DEPDC1B: variants seen among roughly 807,000 people sequenced by gnomAD.
DEPDC1B encodes DEP domain-containing protein 1B.
A neutral mutation model predicts 66.5 loss-of-function variants in DEPDC1B; 51 were observed. That is an observed-to-expected ratio of 0.77 (90% CI 0.61 to 0.97). The LOEUF is 0.97. DEPDC1B is among the 50% of genes least tolerant of loss of function. The pLI, the probability that DEPDC1B is intolerant of heterozygous loss-of-function variation, is 0.00. For synonymous variants in DEPDC1B, 226 were observed against 223.6 expected (o/e 1.01, Z -0.10); for missense variants, 552 against 637.1 (o/e 0.87, Z 1.44).
intron 2 of DEPDC1B, among the ~76,000 whole-genome samples, chr5:60,662,163 T>TGGATCACGAGGTCAGGA (rs1561381006): frequency 6.7e-6 from 1 of 150,058 alleles, no homozygotes; most frequent in Non-Finnish European, 1.5e-5. Context: ...CTGAGGCAGG[T>TGGATCACGAGGTCAGGA]GGATCACGAG....
At chr5:60,695,175 C>T (rs185437131) in intron 1 of DEPDC1B, among the ~76,000 whole-genome samples, 17 of 152,052 alleles carry the variant, frequency 1.1e-4, no homozygotes, top group African/African-American at 4.1e-4. Context: ...TCCATTCTTG[C>T]GTTGCTGTAA....
At chr5:60,676,719 G>T (rs749529004) in intron 2 of DEPDC1B, among the ~76,000 whole-genome samples, 1 of 152,030 alleles carries the variant, frequency 6.6e-6, no homozygotes, top group Non-Finnish European at 1.5e-5. Context: ...CCAGGCTGAA[G>T]TCCTGCTCCT....
At chr5:60,604,512 C>G (rs576951537) in intron 8 of DEPDC1B, among the ~76,000 whole-genome samples, 14 of 152,078 alleles carry the variant, frequency 9.2e-5, no homozygotes, top group Admixed American at 9.2e-4. Flanking sequence ...TGAGCCACCA[C>G]GCCCAGCCTA....
At position 60,655,189 on chromosome 5, in the gene DEPDC1B, A is replaced by G. The variant is rs994294991; in HGVS notation, c.315-7656T>C. The stretch of plus-strand genomic sequence containing the variant: ...TTCTCTATATTTTGAAATAGTGTCA[A>G]TAGGATTGGTACCAATTCTTCCTTG... On this transcript the variant is annotated intron_variant, in intron 2 of 10. Coordinates refer to ENST00000265036, the MANE Select transcript of DEPDC1B (RefSeq NM_018369.3). 9.4e-5 allele frequency among the ~76,000 whole-genome samples: 14 copies of G among 149,198 alleles called. 1 individual carries two copies. Among genetic ancestry groups the G allele is most frequent in the South Asian group, 4.4e-4 (2 of 4,516 alleles).
chr5:60,618,508 A>T (rs1247983956), intron 7 of DEPDC1B, among the ~76,000 whole-genome samples: 1 of 152,290 alleles, frequency 6.6e-6, no homozygotes, highest in African/African-American at 2.4e-5. Flanking sequence ...TACTATAAAC[A>T]CCTCTATGAA....
At chr5:60,662,328 C>T (rs1379662042) in intron 2 of DEPDC1B, among the ~76,000 whole-genome samples, 2 of 151,800 alleles carry the variant, frequency 1.3e-5, no homozygotes, top group Non-Finnish European at 2.9e-5. Flanking sequence ...GCAGAGCTTG[C>T]GGTGAGCTGA....
intron 7 of DEPDC1B, among the ~76,000 whole-genome samples, chr5:60,634,564 C>T (rs1584049400): frequency 2.0e-5 from 3 of 151,482 alleles, no homozygotes; most frequent in Admixed American, 6.6e-5. Flanking sequence ...CCCAGCTACT[C>T]GAGAGGCTGA....
chr5:60,636,400 C>A lies in DEPDC1B; in HGVS notation c.898+2350G>T, dbSNP rs533693238. Among the ~76,000 whole-genome samples, 5 of 152,214 alleles carry A rather than the reference C, an allele frequency of 3.3e-5. No homozygotes were observed. The East Asian group carries it at 9.6e-4, about 29-fold the overall frequency. ...ACCGTGCCACAAGCAAAGGAAGAAA[C>A]CTCAAAAGAAGTTTATTAACTAAGC... On this transcript the variant is annotated intron_variant, in intron 7 of 10. Coordinates refer to ENST00000265036, the MANE Select transcript of DEPDC1B (RefSeq NM_018369.3).
At chr5:60,661,063 T>C (rs1302177292) in intron 2 of DEPDC1B, among the ~76,000 whole-genome samples, 1 of 152,220 alleles carries the variant, frequency 6.6e-6, no homozygotes, top group Non-Finnish European at 1.5e-5. Flanking sequence ...ATCTCAATCC[T>C]GACTCAAAAG....
intron 7 of DEPDC1B, among the ~76,000 whole-genome samples, chr5:60,614,135 G>C (rs1170673361): frequency 6.6e-6 from 1 of 152,060 alleles, no homozygotes; most frequent in African/African-American, 2.4e-5. Context: ...GAACTTGTTT[G>C]TTTAAACTCC....
chr5:60,616,863 A>G (rs1032005461), intron 7 of DEPDC1B, among the ~76,000 whole-genome samples: 2 of 152,224 alleles, frequency 1.3e-5, no homozygotes, highest in Non-Finnish European at 2.9e-5. Context: ...AAATGAAGGA[A>G]AAAATGTTAA....
chr5:60,606,335 A>G (rs559253056), intron 7 of DEPDC1B, among the ~76,000 whole-genome samples: 3 of 152,320 alleles, frequency 2.0e-5, no homozygotes, highest in African/African-American at 7.2e-5. Context: ...TAGTCAGTCC[A>G]CTGCCAAATG....
intron 1 of DEPDC1B, chr5:60,688,927 C>T (rs1189318724): frequency 1.2e-5 from 5 of 422,522 alleles, no homozygotes; most frequent in African/African-American, 2.0e-5. Context: ...TTAGGAACCT[C>T]GTTTTGTCAA....
intron 7 of DEPDC1B, among the ~76,000 whole-genome samples, chr5:60,614,455 T>C (rs1752491752): frequency 6.6e-6 from 1 of 152,216 alleles, no homozygotes; most frequent in African/African-American, 2.4e-5. Context: ...TCCAAGGAGA[T>C]GGAACTACAA....
At chr5:60,666,292 G>T (rs1753838994) in intron 2 of DEPDC1B, among the ~76,000 whole-genome samples, 1 of 152,138 alleles carries the variant, frequency 6.6e-6, no homozygotes. Flanking sequence ...TGTCTTCCGT[G>T]ATCCACTGCT....
chr5:60,603,425 A>G lies in DEPDC1B; in HGVS notation c.1208T>C (p.Ile403Thr), dbSNP rs780786865. 9 of 1,610,396 alleles carry G rather than the reference A, an allele frequency of 5.6e-6. No homozygotes were observed. The highest frequency in any genetic ancestry group is 2.2e-5 in the South Asian group (2 of 90,468). Residue 403 changes from isoleucine to threonine, a missense_variant, in exon 9 of 11, where the codon ATA becomes ACA. Coordinates refer to ENST00000265036, the MANE Select transcript of DEPDC1B (RefSeq NM_018369.3). Reference sequence around the variant, plus strand: ...TCGTAGATGAGCCACACGCTCCTCTATAGAGGTCTGCAAGGCCAAAGGGAC... The same window carrying G: ...TCGTAGATGAGCCACACGCTCCTCTGTAGAGGTCTGCAAGGCCAAAGGGAC... ...LKVPLALQTS[I>T]EERVAHLRRV...
chr5:60,694,826 A>G (rs776739597), intron 1 of DEPDC1B, among the ~76,000 whole-genome samples: 3 of 152,206 alleles, frequency 2.0e-5, no homozygotes, highest in Non-Finnish European at 4.4e-5. Flanking sequence ...TAGTATACCC[A>G]TTTAATATGT....
chr5:60,630,700 G>A (rs1182544209), intron 7 of DEPDC1B: 1 of 152,416 alleles, frequency 6.6e-6, no homozygotes, highest in South Asian at 2.1e-4. Flanking sequence ...TGCAACTGTG[G>A]GCTCTTTAGC....
chr5:60,635,762 C>A (rs1229333555), intron 7 of DEPDC1B, among the ~76,000 whole-genome samples: 1 of 152,142 alleles, frequency 6.6e-6, no homozygotes, highest in Non-Finnish European at 1.5e-5. Context: ...CCAGGGCTGC[C>A]AGATCTTCTA....
Sources: allele counts gnomAD v4.1 joint callset (sites outside exome capture counted in the v4.1 genomes callset), GRCh38; gene constraint gnomAD v4.1.1; transcripts MANE v1.5; gene names NCBI Gene and HGNC (gene_info 2026-07-23, HGNC 2026-07-21).